FOLR1: variants seen among roughly 807,000 people sequenced by gnomAD.
FOLR1 encodes folate receptor alpha.
A neutral mutation model predicts 22.8 loss-of-function variants in FOLR1; 11 were observed. That is an observed-to-expected ratio of 0.48 (90% CI 0.30 to 0.80). The LOEUF (loss-of-function observed/expected upper bound fraction) is 0.80, where lower values mean the gene tolerates loss of function less well. Among genes scored for constraint, FOLR1 ranks in the 30% least tolerant of loss-of-function variants. The pLI is 0.06. For missense variants in FOLR1, 273 were observed against 320.3 expected (o/e 0.85, Z 1.13); for synonymous variants, 108 against 116.5 (o/e 0.93, Z 0.47).
At chr11:72,191,997 T>G, upstream of FOLR1, 3 of 645,996 alleles carry the variant, frequency 4.6e-6, no homozygotes, top group East Asian at 5.6e-5. Context: ...CAGGGAGGGG[T>G]GGTGTCTAAT....
At position 72,195,702 on chromosome 11, in the gene FOLR1, T is replaced by C; in HGVS notation, c.448T>C (p.Tyr150His). ...EQWWEDCRTS[Y>H]TCKSNWHKGW... ...ATGGTGGGAAGATTGTCGCACCTCC[T>C]ACACCTGCAAGAGCAACTGGCACAA... Residue 150 changes from tyrosine (Y) to histidine (H), a missense_variant, in exon 3 of 4, where the codon TAC (tyrosine) becomes CAC (histidine). Coordinates refer to ENST00000393676, the MANE Select transcript of FOLR1 (RefSeq NM_016729.3). 1 of 1,614,136 alleles carries C rather than the reference T, an allele frequency of 6.2e-7. No individual in the cohort carries two copies. The highest frequency in any genetic ancestry group is 1.1e-5 in the South Asian group (1 of 91,078).
Position 72,196,122 on chromosome 11 carries a change from C to A in FOLR1, c.719C>A (p.Ala240Glu). 6.2e-7 allele frequency: 1 copy of A among 1,614,200 alleles called. No individual in the cohort carries two copies. The highest frequency in any genetic ancestry group is 8.5e-7 in the Non-Finnish European group (1 of 1,180,042). The change falls in exon 4 of 4, where the codon GCA becomes GAA. Residue 240 changes from alanine (A) to glutamate (E), a missense_variant. Coordinates refer to ENST00000393676, the MANE Select transcript of FOLR1 (RefSeq NM_016729.3). The part of the protein sequence containing the change: ...AAAMSGAGPW[A>E]AWPFLLSLAL... ...GCCATGAGTGGGGCTGGGCCCTGGG[C>A]AGCCTGGCCTTTCCTGCTTAGCCTG...
upstream of FOLR1, among the ~76,000 whole-genome samples, chr11:72,191,337 G>GC (rs545290851): frequency 4.3e-4 from 66 of 151,802 alleles, no homozygotes; most frequent in African/African-American, 1.4e-3. Context: ...CCACACTGCA[G>GC]CCCCCCCAAC....
chr11:72,190,978 A>G (rs926162408), upstream of FOLR1, among the ~76,000 whole-genome samples: 2 of 152,256 alleles, frequency 1.3e-5, no homozygotes, highest in African/African-American at 4.8e-5. Context: ...TAGAGGAGAC[A>G]GATGGAGAGA....
upstream of FOLR1, among the ~76,000 whole-genome samples, chr11:72,191,347 C>T (rs763925872): frequency 1.1e-4 from 17 of 152,036 alleles, no homozygotes; most frequent in Non-Finnish European, 1.6e-4. Flanking sequence ...GCCCCCCCAA[C>T]TAAAACATTT....
rs769520814 is a variant in FOLR1, at chr11:72,196,071, A to C, written c.668A>C (p.Glu223Ala). The C allele has an allele frequency of 1.9e-6, 3 of 1,614,062 alleles. No homozygotes were observed. Among genetic ancestry groups the C allele is most frequent in the Non-Finnish European group, 2.5e-6 (3 of 1,180,030 alleles). ...GACCCAGCCCAGGGCAACCCCAATG[A>C]GGAGGTGGCGAGGTTCTATGCTGCA... ...WFDPAQGNPN[E>A]EVARFYAAAM... Residue 223 changes from glutamate to alanine, a missense_variant, in exon 4 of 4, where the codon GAG becomes GCG. Coordinates refer to ENST00000393676, the MANE Select transcript of FOLR1 (RefSeq NM_016729.3).
chr11:72,193,654 G>A (rs898315727), intron 1 of FOLR1, among the ~76,000 whole-genome samples: 1 of 152,014 alleles, frequency 6.6e-6, no homozygotes, highest in Non-Finnish European at 1.5e-5. Context: ...AGAGATGGGG[G>A]TTTCACCATG....
chr11:72,193,805 A>G (rs926352088), intron 1 of FOLR1, among the ~76,000 whole-genome samples: 5 of 140,246 alleles, frequency 3.6e-5, no homozygotes, highest in African/African-American at 1.3e-4. Context: ...ATTTATTGAG[A>G]TGGAGTCTTG....
chr11:72,194,651 G>A (rs542183121), intron 1 of FOLR1, among the ~76,000 whole-genome samples: 14 of 150,808 alleles, frequency 9.3e-5, no homozygotes, highest in African/African-American at 2.0e-4. Context: ...CACCCGCCTC[G>A]GCCTCCCAAA....
upstream of FOLR1, among the ~76,000 whole-genome samples, chr11:72,191,189 C>G (rs1948150963): frequency 1.3e-5 from 2 of 152,126 alleles, no homozygotes; most frequent in African/African-American, 4.8e-5. Context: ...TGGCTGTCCC[C>G]TGCCAGCACC....
chr11:72,196,219 C>G lies in FOLR1; in HGVS notation c.*42C>G, dbSNP rs1351275854. 1 of 1,609,606 alleles carries G rather than the reference C, an allele frequency of 6.2e-7. No homozygotes were observed. The highest frequency in any genetic ancestry group is 1.1e-5 in the South Asian group (1 of 90,814). The stretch of plus-strand genomic sequence containing the variant: ...GATACCTGGAAATCCCTGCCCTGTT[C>G]AGCCCCACAGCTCCCAACTATTTGG... On this transcript the variant is annotated 3_prime_UTR_variant, in exon 4 of 4. Coordinates refer to ENST00000393676, the MANE Select transcript of FOLR1 (RefSeq NM_016729.3).
chr11:72,194,309 A>G (rs1468196569), intron 1 of FOLR1, among the ~76,000 whole-genome samples: 1 of 152,206 alleles, frequency 6.6e-6, no homozygotes, highest in African/African-American at 2.4e-5. Context: ...CAAATTCCAC[A>G]AACAGATAAT....
intron 3 of FOLR1, 44 bp downstream of exon 3, chr11:72,195,791 G>T: frequency 6.2e-7 from 1 of 1,614,176 alleles, no homozygotes; most frequent in Non-Finnish European, 8.5e-7. Context: ...TGGAAGTGGA[G>T]GTGTGTGGGT....
intron 1 of FOLR1, among the ~76,000 whole-genome samples, chr11:72,193,133 G>A (rs1160615343): frequency 1.3e-5 from 2 of 152,036 alleles, no homozygotes; most frequent in African/African-American, 2.4e-5. Flanking sequence ...TCAGGAGTTC[G>A]AGACCAGCCT....
chr11:72,190,070 T>A (rs1948136950), upstream of FOLR1: 1 of 152,290 alleles, frequency 6.6e-6, no homozygotes, highest in Non-Finnish European at 1.5e-5. Flanking sequence ...ACAGCTGGAC[T>A]AAGACCTGAA....
Position 72,195,675 on chromosome 11 carries a change from C to A in FOLR1, c.421C>A (p.Gln141Lys). 1.2e-6 allele frequency: 2 copies of A among 1,614,156 alleles called. No homozygotes were observed. Residue 141 changes from glutamine to lysine, a missense_variant, in exon 3 of 4, where the codon CAA becomes AAA. Gln to Lys is a moderately conservative substitution (Grantham distance 53). Transcript: ENST00000393676. ...GCCCCTGTGCAAAGAGGACTGTGAGCAATGGTGGGAAGATTGTCGCACCTC... is the reference window on the plus strand; with the variant it reads ...GCCCCTGTGCAAAGAGGACTGTGAGAAATGGTGGGAAGATTGTCGCACCTC... ...NVPLCKEDCE[Q>K]WWEDCRTSYT...
intron 1 of FOLR1, among the ~76,000 whole-genome samples, chr11:72,194,864 C>T (rs1327606981): frequency 6.6e-6 from 1 of 152,120 alleles, no homozygotes; most frequent in Non-Finnish European, 1.5e-5. Flanking sequence ...GCTTTTTTAC[C>T]TTCAAATCTT....
chr11:72,192,061 C>G, upstream of FOLR1: 1 of 1,203,248 alleles, frequency 8.3e-7, no homozygotes, highest in South Asian at 1.2e-5. Flanking sequence ...AGGGCTCTAT[C>G]TGCCCCAGGC....
Position 72,196,217 on chromosome 11 carries a change from T to C in FOLR1, c.*40T>C. 6.2e-7 allele frequency: 1 copy of C among 1,612,346 alleles called. No individual in the cohort carries two copies. Among genetic ancestry groups the C allele is most frequent in the Non-Finnish European group, 8.5e-7 (1 of 1,178,488 alleles). ...CTGATACCTGGAAATCCCTGCCCTG[T>C]TCAGCCCCACAGCTCCCAACTATTT... On this transcript the variant is annotated 3_prime_UTR_variant, in exon 4 of 4. Transcript: ENST00000393676.
Sources: gnomAD v4.1 joint callset for allele counts (sites outside exome capture counted in the v4.1 genomes callset) on GRCh38, gnomAD v4.1.1 for gene constraint, MANE v1.5 for transcripts, NCBI Gene and HGNC (gene_info 2026-07-23, HGNC 2026-07-21) for gene names.